Variants in ALG1 observed in about 807,000 individuals in gnomAD.
ALG1 encodes the protein chitobiosyldiphosphodolichol beta-mannosyltransferase.
In ALG1, 58 loss-of-function variants were observed where a neutral mutation model predicts 55.1. The ratio of observed to expected loss-of-function variants is 1.05; its 90% CI spans 0.85 to 1.31. The LOEUF (loss-of-function observed/expected upper bound fraction) is 1.31. Ranked by LOEUF, ALG1 falls within the 50% of genes most tolerant of loss-of-function variation. The pLI is 0.00. For missense variants in ALG1, 761 were observed against 598.6 expected (o/e 1.27, Z -2.83); for synonymous variants, 309 against 247.0 (o/e 1.25, Z -2.35).
intron 5 of ALG1, 69 bp downstream of exon 5, chr16:5,077,603 G>T (rs1956937212): frequency 1.4e-6 from 2 of 1,474,650 alleles, no homozygotes; most frequent in Admixed American, 3.3e-5. Context: ...AGTGAGAGCT[G>T]CCTTGCCTGC....
intron 1 of ALG1, chr16:5,072,270 T>C: frequency 1.4e-6 from 2 of 1,458,794 alleles, no homozygotes; most frequent in Non-Finnish European, 1.8e-6. Context: ...GTGTGTTAAG[T>C]GAATCCATTG....
At chr16:5,076,141 T>C (rs11645634) in intron 4 of ALG1, among the ~76,000 whole-genome samples, 9,485 of 152,244 alleles carry the variant, frequency 0.062, 300 homozygotes, top group East Asian at 0.14. Flanking sequence ...GCTGGGAAGG[T>C]CATCTGCTGT....
chr16:5,077,526 G>C lies in ALG1; in HGVS notation c.621G>C (p.Trp207Cys). ...TGCGAGAAGACCTGGCGGATAACTG[G>C]CACATCAGGTACCATGGCCTGGGAT... Reference protein sequence around the residue: ...NAMREDLADNWHIRAVTVYDK... With the variant: ...NAMREDLADNCHIRAVTVYDK... The change falls in exon 5 of 13, where the codon TGG becomes TGC. Residue 207 changes from tryptophan to cysteine, a missense_variant. Transcript: ENST00000262374. 1 of 1,614,168 alleles carries C rather than the reference G, an allele frequency of 6.2e-7. No individual in the cohort carries two copies. Among genetic ancestry groups the C allele is most frequent in the Non-Finnish European group, 8.5e-7 (1 of 1,180,020 alleles).
chr16:5,086,334 CAAAAAAA>C lies in ALG1; in HGVS notation c.*1465_*1471del, dbSNP rs374671583. 7.8e-5 allele frequency among the ~76,000 whole-genome samples: 10 copies of C among 128,276 alleles called. No homozygotes were observed. The highest frequency in any genetic ancestry group is 7.5e-4 in the South Asian group (3 of 4,020). 84.2% of individuals were successfully genotyped at this position (128,276 alleles called of 152,430 possible). A position where few individuals can be genotyped will look rare whatever the true frequency, so the allele number is the denominator to read the frequency against. On this transcript the variant is annotated 3_prime_UTR_variant, in exon 13 of 13. Coordinates refer to ENST00000262374, the MANE Select transcript of ALG1 (RefSeq NM_019109.5). ...TGAGTGACAGGGTGAGACTAAGTCTCAAAAAAAAAAAAAAAAAACCACACGCACCACA... is the reference window on the plus strand; with the variant it reads ...TGAGTGACAGGGTGAGACTAAGTCTCAAAAAAAAAAACCACACGCACCACA...
intron 3 of ALG1, chr16:5,073,467 G>A (rs1567166523): frequency 5.0e-6 from 3 of 605,610 alleles, no homozygotes; most frequent in Non-Finnish European, 8.8e-6. Flanking sequence ...TACTGACTGT[G>A]TATCAAGTGT....
At position 5,073,040 on chromosome 16, in the gene ALG1, T is replaced by A. The variant is rs1168471326; in HGVS notation, c.286+12T>A. The A allele has an allele frequency of 1.9e-6, 3 of 1,613,882 alleles. No individual in the cohort carries two copies. In the South Asian group the frequency reaches 3.3e-5, roughly 18 times the overall value. ...TCAGAGTCTTGCAGGTAGGATGCCG[T>A]CAACTCCAGAATCCTCTGAATCCAT... is the stretch of plus-strand genomic sequence containing the variant. On this transcript the variant is annotated intron_variant, in intron 2 of 12. Coordinates refer to ENST00000262374, the MANE Select transcript of ALG1 (RefSeq NM_019109.5).
In ALG1 at chr16:5,087,001, T is replaced by C. The variant is rs1408054582; in HGVS notation, c.*2120T>C. 2.6e-5 allele frequency: 4 copies of C among 152,196 alleles called. No homozygotes were observed. The highest frequency in any genetic ancestry group is 1.5e-5 in the Non-Finnish European group (1 of 68,036). The allele number at this position is 152,196 out of a possible 1,614,324, so 9.4% of individuals were successfully genotyped here. A position where few individuals can be genotyped will look rare whatever the true frequency, so the allele number is the denominator to read the frequency against. On this transcript the variant is annotated 3_prime_UTR_variant, in exon 13 of 13. Transcript: ENST00000262374. ...CCGGGACGATTTTCAATCACAGTTT[T>C]TTGTTACGAGTGGAAAATGCGTATT...
chr16:5,072,020 C>T lies in ALG1; in HGVS notation c.171C>T (p.Ala57=). ...PRMQYHALSL[A]MHGFSVTLLG... ...TGCAGTACCACGCGCTGTCGTTGGC[C>T]ATGCACGGCTTCTCGGTGACCCTCC... Residue 57 remains alanine (A), a synonymous_variant, in exon 1 of 13, where the codon GCC becomes GCT. Coordinates refer to ENST00000262374, the MANE Select transcript of ALG1 (RefSeq NM_019109.5). 6.3e-7 allele frequency: 1 copy of T among 1,597,000 alleles called. No homozygotes were observed. Among genetic ancestry groups the T allele is most frequent in the Non-Finnish European group, 8.5e-7 (1 of 1,171,476 alleles).
chr16:5,076,952 G>C (rs963977247), intron 4 of ALG1, among the ~76,000 whole-genome samples: 1 of 151,746 alleles, frequency 6.6e-6, no homozygotes, highest in South Asian at 2.1e-4. Context: ...CCACCACCAC[G>C]CCTGGCTAAT....
chr16:5,080,934 T>C lies in ALG1; in HGVS notation c.962-12T>C, dbSNP rs1179479138. ...GATGGGTCCATGGCAGTGTCTGCTCTTCTCTGTGAAGGCAAAGGGCCTCTG... is the reference window on the plus strand; with the variant it reads ...GATGGGTCCATGGCAGTGTCTGCTCCTCTCTGTGAAGGCAAAGGGCCTCTG... On this transcript the variant is annotated splice_polypyrimidine_tract_variant and intron_variant, in intron 9 of 12. Transcript: ENST00000262374. The C allele has an allele frequency of 3.1e-6, 5 of 1,595,992 alleles. No homozygotes were observed. The African/African-American group carries it at 5.3e-5, about 17-fold the overall frequency.
chr16:5,079,865 A>G (rs1439244312), intron 9 of ALG1, 58 bp downstream of exon 9: 1 of 1,570,028 alleles, frequency 6.4e-7, no homozygotes, highest in Non-Finnish European at 8.8e-7. Flanking sequence ...GGGGAGGGGC[A>G]CGCAGCCTTT....
intron 6 of ALG1, 147 bp from the exon 7 acceptor site, chr16:5,078,610 C>T: frequency 2.1e-6 from 3 of 1,411,344 alleles, no homozygotes; most frequent in East Asian, 2.3e-5. Flanking sequence ...GCCCAGGCCT[C>T]AGATGGCAGG....
chr16:5,085,424 TAAG>T lies in ALG1; in HGVS notation c.*546_*548del, dbSNP rs1957120450. 1.7e-6 allele frequency: 1 copy of T among 581,638 alleles called. No homozygotes were observed. The highest frequency in any genetic ancestry group is 3.2e-6 in the Non-Finnish European group (1 of 317,034). The allele number at this position is 581,638 out of a possible 1,614,324, so 36.0% of individuals were successfully genotyped here. ...CATGTCTGATTTATGGTGATTTTCT[TAAG>T]AACCAGAACTGCTGGCAGAAAGGGG... On this transcript the variant is annotated 3_prime_UTR_variant, in exon 13 of 13. Transcript: ENST00000262374.
chr16:5,076,401 C>G (rs1454481400), intron 4 of ALG1, among the ~76,000 whole-genome samples: 1 of 152,216 alleles, frequency 6.6e-6, no homozygotes, highest in Non-Finnish European at 1.5e-5. Context: ...CATCCAAGCC[C>G]TTTTTGTATT....
intron 1 of ALG1, 116 bp from the exon 2 acceptor site, chr16:5,072,835 G>A: frequency 1.0e-6 from 1 of 978,830 alleles, no homozygotes; most frequent in Non-Finnish European, 1.7e-6. Flanking sequence ...AGCAGAGAGA[G>A]GTTTTGAAAT....
Position 5,075,432 on chromosome 16 carries a change from C to A in ALG1, c.435C>A (p.Gly145=). The A allele has an allele frequency of 6.2e-7, 1 of 1,614,200 alleles. No individual in the cohort carries two copies. Among genetic ancestry groups the A allele is most frequent in the Non-Finnish European group, 8.5e-7 (1 of 1,180,050 alleles). Residue 145 remains glycine, a synonymous_variant, in exon 4 of 13, where the codon GGC becomes GGA. Transcript: ENST00000262374. ...GCATTGCTGTCTGCTGGTTCGTGGG[C>A]TGCCTTTGTGGAAGCAAGCTCGTCA... is the stretch of plus-strand genomic sequence containing the variant. ...LPSIAVCWFV[G]CLCGSKLVID...
intron 4 of ALG1, 108 bp from the exon 5 acceptor site, chr16:5,077,337 A>C (rs2142711807): frequency 5.1e-6 from 5 of 990,082 alleles, no homozygotes; most frequent in Non-Finnish European, 8.0e-6. Context: ...AGGGAGCTCA[A>C]ACTCTCCCAG....
chr16:5,075,435 C>T lies in ALG1; in HGVS notation c.438C>T (p.Cys146=). 6.2e-7 allele frequency: 1 copy of T among 1,614,162 alleles called. No individual in the cohort carries two copies. Among genetic ancestry groups the T allele is most frequent in the Non-Finnish European group, 8.5e-7 (1 of 1,180,044 alleles). The change falls in exon 4 of 13, where the codon TGC becomes TGT. Residue 146 remains cysteine, a synonymous_variant. Coordinates refer to ENST00000262374, the MANE Select transcript of ALG1 (RefSeq NM_019109.5). ...PSIAVCWFVG[C]LCGSKLVIDW... ...TTGCTGTCTGCTGGTTCGTGGGCTG[C>T]CTTTGTGGAAGCAAGCTCGTCATTG...
chr16:5,072,103 G>C, intron 1 of ALG1, 46 bp downstream of exon 1: 4 of 1,551,104 alleles, frequency 2.6e-6, no homozygotes, highest in Non-Finnish European at 3.5e-6. Flanking sequence ...CTCAGCCGTT[G>C]ATCCTCGGTT....
Sources: allele counts gnomAD v4.1 joint callset (sites outside exome capture counted in the v4.1 genomes callset), GRCh38; gene constraint gnomAD v4.1.1; transcripts MANE v1.5; gene names NCBI Gene and HGNC (gene_info 2026-07-23, HGNC 2026-07-21).